The following MASP1 variants were observed in gnomAD, a reference collection of about 807,000 sequenced individuals.
MASP1 encodes mannan-binding lectin serine protease 1.
MASP1 carries 59 observed loss-of-function variants against 77.1 expected under a neutral mutation model. That is an observed-to-expected ratio of 0.77 (90% CI 0.62 to 0.95). The LOEUF is 0.95. Ranked by LOEUF, MASP1 falls within the 40% of genes least tolerant of loss-of-function variation. MASP1 has a pLI of 0.00. For synonymous variants in MASP1, 362 were observed against 354.5 expected (o/e 1.02, Z -0.24); for missense variants, 885 against 912.9 (o/e 0.97, Z 0.39).
At chr3:187,279,171 C>A (rs1717209570) in intron 2 of MASP1, among the ~76,000 whole-genome samples, 1 of 152,218 alleles carries the variant, frequency 6.6e-6, no homozygotes, top group Non-Finnish European at 1.5e-5. Context: ...ACGTGTCTTT[C>A]TCAAGAACTT....
chr3:187,270,453 T>A (rs969003326), intron 2 of MASP1, among the ~76,000 whole-genome samples: 6 of 152,184 alleles, frequency 3.9e-5, no homozygotes, highest in Non-Finnish European at 7.3e-5. Flanking sequence ...TAGGTCATTT[T>A]AGCTAGAACC....
intron 2 of MASP1, among the ~76,000 whole-genome samples, chr3:187,270,224 T>C (rs1382525869): frequency 9.2e-5 from 14 of 152,228 alleles, no homozygotes; most frequent in Admixed American, 9.2e-4. Flanking sequence ...GATTCTTTGC[T>C]TAGCCAAATT....
At position 187,285,828 on chromosome 3, in the gene MASP1, C is replaced by T; in HGVS notation, c.234G>A (p.Val78=). The T allele has an allele frequency of 6.2e-7, 1 of 1,612,960 alleles. No individual in the cohort carries two copies. Among genetic ancestry groups the T allele is most frequent in the Non-Finnish European group, 8.5e-7 (1 of 1,178,940 alleles). The change falls in exon 2 of 11, where the codon GTG becomes GTA. Residue 78 remains valine (V), a synonymous_variant. Coordinates refer to ENST00000296280, the MANE Select transcript of MASP1 (RefSeq NM_139125.4). ...TAGGGGACATCAGGAGTCTCACCTT[C>T]ACATAGTCATATTCACAAAGGTAGG... ...ESSYLCEYDY[V]KVETEDQVLA...
chr3:187,246,393 T>C, intron 8 of MASP1: 1 of 985,456 alleles, frequency 1.0e-6, no homozygotes, highest in Non-Finnish European at 1.2e-6. Flanking sequence ...CTGACACTTG[T>C]CTTTAGTAGC....
intron 4 of MASP1, among the ~76,000 whole-genome samples, chr3:187,258,582 G>C (rs1206872318): frequency 6.6e-6 from 1 of 152,160 alleles, no homozygotes; most frequent in African/African-American, 2.4e-5. Flanking sequence ...TCTGGTCTTG[G>C]CTGGAGGTGG....
chr3:187,225,374 A>G, exon 13 of MASP1: 6 of 1,613,992 alleles, frequency 3.7e-6, no homozygotes, highest in Non-Finnish European at 5.1e-6. Context: ...GAAGGCATTC[A>G]GCACTGGGCT....
At chr3:187,259,327 C>G (rs1487964479) in intron 4 of MASP1, among the ~76,000 whole-genome samples, 1 of 152,086 alleles carries the variant, frequency 6.6e-6, no homozygotes, top group Non-Finnish European at 1.5e-5. Context: ...CTCCTGAGTT[C>G]CTGACTGTTT....
chr3:187,241,172 CT>C (rs1034205978), intron 10 of MASP1, among the ~76,000 whole-genome samples: 20 of 152,104 alleles, frequency 1.3e-4, no homozygotes, highest in African/African-American at 4.3e-4. Flanking sequence ...AGGGTGCCCA[CT>C]TTTTAAATTT....
downstream of MASP1, among the ~76,000 whole-genome samples, chr3:187,229,129 G>T (rs1283514777): frequency 2.0e-5 from 3 of 152,206 alleles, no homozygotes; most frequent in Admixed American, 1.3e-4. Context: ...TAGATTGCCT[G>T]GACCAAACTG....
chr3:187,249,999 C>T (rs373520884), intron 8 of MASP1, among the ~76,000 whole-genome samples: 17 of 152,188 alleles, frequency 1.1e-4, no homozygotes, highest in African/African-American at 1.9e-4. Flanking sequence ...GCAACCCATC[C>T]GTGGGCTGAA....
At chr3:187,252,892 A>T (rs140641720) in intron 6 of MASP1, among the ~76,000 whole-genome samples, 8 of 152,338 alleles carry the variant, frequency 5.3e-5, no homozygotes, top group Non-Finnish European at 8.8e-5. Flanking sequence ...TTCAGGAAAC[A>T]AGATTTCTTT....
At chr3:187,254,843 G>C (rs1246545412) in intron 5 of MASP1, among the ~76,000 whole-genome samples, 1 of 151,954 alleles carries the variant, frequency 6.6e-6, no homozygotes, top group Non-Finnish European at 1.5e-5. Context: ...CCCCATCTTT[G>C]AGGGCCATGA....
At chr3:187,276,066 AC>A (rs1560031722) in intron 2 of MASP1, among the ~76,000 whole-genome samples, 1 of 150,644 alleles carries the variant, frequency 6.6e-6, no homozygotes, top group African/African-American at 2.5e-5. Flanking sequence ...GGCACTTTCC[AC>A]CTGAGGGCAC....
At chr3:187,218,298 C>T (rs540553777) in exon 16 of MASP1, 4 of 152,452 alleles carry the variant, frequency 2.6e-5, no homozygotes, top group East Asian at 3.9e-4. Context: ...TAGGTAGTTC[C>T]CACAGGAGCC....
Position 187,234,504 on chromosome 3 carries a change from A to G in MASP1, c.*1180T>C. 1 of 1,286,268 alleles carries G rather than the reference A, an allele frequency of 7.8e-7. No individual in the cohort carries two copies. Among genetic ancestry groups the G allele is most frequent in the Non-Finnish European group, 1.0e-6 (1 of 987,774 alleles). The allele number at this position is 1,286,268 out of a possible 1,614,324, so 79.7% of individuals were successfully genotyped here. Reference sequence around the variant, plus strand: ...ATGATTTTTCAAAGGTTATACAGCCAGTTGGGGGCAGAGCAGGGACTAGAA... The same window carrying G: ...ATGATTTTTCAAAGGTTATACAGCCGGTTGGGGGCAGAGCAGGGACTAGAA... On this transcript the variant is annotated 3_prime_UTR_variant, in exon 11 of 11. Transcript: ENST00000296280.
chr3:187,256,566 A>T, intron 5 of MASP1, 98 bp downstream of exon 5: 1 of 1,129,182 alleles, frequency 8.9e-7, no homozygotes, highest in Non-Finnish European at 1.3e-6. Flanking sequence ...TAGGCTCTCT[A>T]TCCTGGGAGA....
chr3:187,265,826 T>C (rs1199807628), intron 2 of MASP1, among the ~76,000 whole-genome samples: 2 of 152,212 alleles, frequency 1.3e-5, no homozygotes, highest in Admixed American at 6.5e-5. Context: ...ACAATTTTCC[T>C]GGCTCAAAGG....
chr3:187,291,664 C>A lies in MASP1; in HGVS notation c.-32G>T, dbSNP rs769616998. ...GCCTTGGGTGCTCCCGGCTGCCCGGCCTTGGTCCTCCCAGCTTGACTTGCC... is the reference window on the plus strand; with the variant it reads ...GCCTTGGGTGCTCCCGGCTGCCCGGACTTGGTCCTCCCAGCTTGACTTGCC... On this transcript the variant is annotated 5_prime_UTR_variant, in exon 1 of 11. Coordinates refer to ENST00000296280, the MANE Select transcript of MASP1 (RefSeq NM_139125.4). 4 of 1,614,204 alleles carry A rather than the reference C, an allele frequency of 2.5e-6. No homozygotes were observed. Among genetic ancestry groups the A allele is most frequent in the East Asian group, 2.2e-5 (1 of 44,884 alleles).
In MASP1 at chr3:187,252,246, G is replaced by A. The variant is rs138886112; in HGVS notation, c.893-494C>T. ...AATGCCTCCCTAACCTTTCAGGCAC[G>A]GACTCTGCTGATTACATGAACACTG... On this transcript the variant is annotated intron_variant, in intron 6 of 10. Transcript: ENST00000296280. 2.6e-3 allele frequency among the ~76,000 whole-genome samples: 390 copies of A among 152,250 alleles called. 3 individuals carry two copies. The highest frequency in any genetic ancestry group is 8.7e-3 in the African/African-American group (363 of 41,542).
Sources: allele counts gnomAD v4.1 joint callset (sites outside exome capture counted in the v4.1 genomes callset), GRCh38; gene constraint gnomAD v4.1.1; transcripts MANE v1.5; gene names NCBI Gene and HGNC (gene_info 2026-07-23, HGNC 2026-07-21).